The following XRCC4 variants were observed in gnomAD, a reference collection of about 807,000 sequenced individuals.
XRCC4 encodes DNA repair protein XRCC4.
A neutral mutation model predicts 39.1 loss-of-function variants in XRCC4; 28 were observed. That is an observed-to-expected ratio of 0.72 (90% CI 0.53 to 0.98). The LOEUF is 0.98. Among genes scored for constraint, XRCC4 ranks in the 50% least tolerant of loss-of-function variants. The pLI, the probability that XRCC4 is intolerant of heterozygous loss-of-function variation, is 0.00. For missense variants in XRCC4, 350 were observed against 376.4 expected (o/e 0.93, Z 0.58); for synonymous variants, 123 against 126.4 (o/e 0.97, Z 0.18).
At chr5:83,216,299 A>G (rs141863152) in intron 6 of XRCC4, among the ~76,000 whole-genome samples, 12 of 152,336 alleles carry the variant, frequency 7.9e-5, no homozygotes, top group African/African-American at 2.6e-4. Flanking sequence ...GATATAATCT[A>G]AAAGTTAGAA....
intron 1 of XRCC4, among the ~76,000 whole-genome samples, chr5:83,093,014 G>GACAC (rs34020910): frequency 0.33 from 49,046 of 149,264 alleles, 8,778 homozygotes; most frequent in South Asian, 0.46. Context: ...TAAATGAATG[G>GACAC]ACACACACAC....
At chr5:83,298,241 A>C (rs886935291) in intron 7 of XRCC4, among the ~76,000 whole-genome samples, 2 of 151,526 alleles carry the variant, frequency 1.3e-5, no homozygotes, top group South Asian at 4.2e-4. Flanking sequence ...AAAAAAAAAA[A>C]CTGTCTACAA....
At chr5:83,096,124 TA>T (rs1466499909) in intron 1 of XRCC4, among the ~76,000 whole-genome samples, 54 of 152,036 alleles carry the variant, frequency 3.6e-4, no homozygotes, top group African/African-American at 1.3e-3. Context: ...GTGACTCAGA[TA>T]TATGAGTCTC....
chr5:83,174,544 A>G (rs112720537), intron 3 of XRCC4, among the ~76,000 whole-genome samples: 13 of 152,176 alleles, frequency 8.5e-5, no homozygotes, highest in African/African-American at 2.7e-4. Context: ...CTGCTGTACT[A>G]TTTGAACATT....
chr5:83,120,054 C>A (rs1369481431), intron 3 of XRCC4, among the ~76,000 whole-genome samples: 3 of 139,116 alleles, frequency 2.2e-5, no homozygotes, highest in Non-Finnish European at 4.6e-5. Flanking sequence ...AAATAAAAAA[C>A]CAGAAGTAGA....
chr5:83,275,724 C>T (rs1202288570), intron 7 of XRCC4, among the ~76,000 whole-genome samples: 1 of 152,138 alleles, frequency 6.6e-6, no homozygotes, highest in Admixed American at 6.5e-5. Flanking sequence ...GGATTTATGA[C>T]CATGATCTTA....
At chr5:83,362,316 A>AAAAAAAAAAAAAAAAAAC in the XRCC4 span, among the ~76,000 whole-genome samples, 6 of 146,036 alleles carry the variant, frequency 4.1e-5, no homozygotes, top group African/African-American at 1.7e-4. Context: ...AAAAAAAAAA[A>AAAAAAAAAAAAAAAAAAC]AACTATCTCA....
intron 7 of XRCC4, among the ~76,000 whole-genome samples, chr5:83,334,402 GT>G (rs956899791): frequency 1.2e-4 from 18 of 152,024 alleles, no homozygotes; most frequent in Admixed American, 3.9e-4. Context: ...ATTCAAGGAT[GT>G]TCATTGAAAT....
At chr5:83,104,612 C>G (rs1400696674) in intron 1 of XRCC4, among the ~76,000 whole-genome samples, 1 of 152,094 alleles carries the variant, frequency 6.6e-6, no homozygotes, top group Non-Finnish European at 1.5e-5. Flanking sequence ...GACACCGCGC[C>G]CAGCTGAGAT....
intron 3 of XRCC4, among the ~76,000 whole-genome samples, chr5:83,152,242 T>A (rs907212993): frequency 5.9e-5 from 9 of 151,722 alleles, no homozygotes; most frequent in Admixed American, 2.0e-4. Context: ...CAAACTTTTT[T>A]AAATTAGTGT....
chr5:83,232,206 A>G (rs544205985), intron 6 of XRCC4, among the ~76,000 whole-genome samples: 87 of 152,220 alleles, frequency 5.7e-4, no homozygotes, highest in African/African-American at 1.9e-3. Flanking sequence ...CTTCACCAAA[A>G]TCACCTTTTA....
chr5:83,118,470 A>T (rs1746847554), intron 3 of XRCC4, among the ~76,000 whole-genome samples: 1 of 152,132 alleles, frequency 6.6e-6, no homozygotes, highest in African/African-American at 2.4e-5. Context: ...CCAACAGTCT[A>T]CTTTGTAATT....
At chr5:83,295,357 A>G (rs1264568085) in intron 7 of XRCC4, among the ~76,000 whole-genome samples, 1 of 152,108 alleles carries the variant, frequency 6.6e-6, no homozygotes, top group African/African-American at 2.4e-5. Context: ...AAAATGTTGT[A>G]TATAATAAGA....
chr5:83,343,942 T>C lies in XRCC4; in HGVS notation c.894-9189T>C, dbSNP rs559503592. On this transcript the variant is annotated intron_variant, in intron 7 of 7. Transcript: ENST00000396027. ...GTTATGTCTGAAACTGAAGTCTTTA[T>C]GCCTAATACTAAACCTTCTCCTCTT... 2.0e-5 allele frequency among the ~76,000 whole-genome samples: 3 copies of C among 152,328 alleles called. 1 individual carries two copies. In the South Asian group the frequency reaches 6.2e-4, roughly 32 times the overall value.
chr5:83,104,928 A>T lies in XRCC4; in HGVS notation c.9A>T (p.Arg3Ser), dbSNP rs772350571. The T allele has an allele frequency of 6.8e-6, 11 of 1,613,134 alleles. No individual in the cohort carries two copies. The East Asian group carries it at 2.5e-4, about 36-fold the overall frequency. Residue 3 changes from arginine (R) to serine (S), a missense_variant, in exon 2 of 8, where the codon AGA (arginine) becomes AGT (serine). Coordinates refer to ENST00000396027, the MANE Select transcript of XRCC4 (RefSeq NM_003401.5). The stretch of plus-strand genomic sequence containing the variant: ...ATTACAGGTATTAAGAAATGGAGAG[A>T]AAAATAAGCAGAATCCACCTTGTTT... MERKISRIHLVSE... is the reference protein window; with the variant it reads MESKISRIHLVSE...
chr5:83,275,657 A>G (rs1175545022), intron 7 of XRCC4, among the ~76,000 whole-genome samples: 1 of 152,204 alleles, frequency 6.6e-6, no homozygotes, highest in Non-Finnish European at 1.5e-5. Flanking sequence ...ATATGAATCT[A>G]GAATTCCTGC....
chr5:83,088,293 A>G (rs2112304346), intron 1 of XRCC4, among the ~76,000 whole-genome samples: 1 of 152,322 alleles, frequency 6.6e-6, no homozygotes, highest in East Asian at 1.9e-4. Flanking sequence ...TAATTTATAT[A>G]GAACTCTGTA....
intron 3 of XRCC4, among the ~76,000 whole-genome samples, chr5:83,114,242 C>A (rs1189514654): frequency 6.6e-6 from 1 of 152,178 alleles, no homozygotes; most frequent in Non-Finnish European, 1.5e-5. Flanking sequence ...GCCTCGGAGA[C>A]ATTTCCCCCA....
chr5:83,109,292 C>T (rs997538020), intron 2 of XRCC4, among the ~76,000 whole-genome samples: 4 of 151,810 alleles, frequency 2.6e-5, no homozygotes, highest in Non-Finnish European at 4.4e-5. Flanking sequence ...CATGTCTCTG[C>T]TTCACCTCAA....
Sources: gnomAD v4.1 joint callset for allele counts (sites outside exome capture counted in the v4.1 genomes callset) on GRCh38, gnomAD v4.1.1 for gene constraint, MANE v1.5 for transcripts, NCBI Gene and HGNC (gene_info 2026-07-23, HGNC 2026-07-21) for gene names.